Variants in GRIP1 observed in about 807,000 individuals in gnomAD.
GRIP1 encodes the protein glutamate receptor interacting protein 1.
Under a neutral mutation model 129.9 loss-of-function variants are expected in GRIP1, and 45 were observed. That is an observed-to-expected ratio of 0.35 (90% CI 0.27 to 0.44). The LOEUF is 0.44. Ranked by LOEUF, GRIP1 falls within the 20% of genes least tolerant of loss-of-function variation. GRIP1 has a pLI of 1.00. For synonymous variants in GRIP1, 530 were observed against 520.8 expected, an observed-to-expected ratio of 1.02 and a Z score of -0.24; for missense variants, 1,196 against 1,396.8, an observed-to-expected ratio of 0.86 and a Z score of 2.29.
chr12:66,693,057 G>A (rs1052404481), intron 1 of GRIP1, among the ~76,000 whole-genome samples: 3 of 152,062 alleles, frequency 2.0e-5, no homozygotes, highest in African/African-American at 7.2e-5. Flanking sequence ...AAAAGTGCTA[G>A]GGTGTTAGTC....
chr12:66,483,711 T>A (rs1419577753), intron 7 of GRIP1, among the ~76,000 whole-genome samples: 1 of 152,212 alleles, frequency 6.6e-6, no homozygotes, highest in Non-Finnish European at 1.5e-5. Flanking sequence ...AGAGAATGCA[T>A]AAATCACAAG....
At chr12:66,562,016 G>A (rs1207375899) in intron 2 of GRIP1, among the ~76,000 whole-genome samples, 3 of 152,102 alleles carry the variant, frequency 2.0e-5, no homozygotes, top group Non-Finnish European at 4.4e-5. Flanking sequence ...GTTGAGGTGA[G>A]AGGATTGCTT....
intron 1 of GRIP1, among the ~76,000 whole-genome samples, chr12:66,814,886 A>T (rs1486743746): frequency 6.6e-6 from 1 of 152,084 alleles, no homozygotes; most frequent in Non-Finnish European, 1.5e-5. Flanking sequence ...ACCAGGGGAA[A>T]TGCCAGACAC....
intron 2 of GRIP1, among the ~76,000 whole-genome samples, chr12:66,542,430 A>G (rs1194207495): frequency 6.6e-6 from 1 of 152,242 alleles, no homozygotes; most frequent in Non-Finnish European, 1.5e-5. Context: ...TACAGGTTCT[A>G]GAAAAATATT....
At chr12:66,952,277 C>T (rs1028417880) in intron 1 of GRIP1, among the ~76,000 whole-genome samples, 2 of 151,972 alleles carry the variant, frequency 1.3e-5, no homozygotes, top group African/African-American at 4.8e-5. Context: ...AAGGGAGTGG[C>T]CATCAGATAG....
chr12:66,598,058 G>A (rs918668077), intron 1 of GRIP1, among the ~76,000 whole-genome samples: 1 of 152,122 alleles, frequency 6.6e-6, no homozygotes, highest in Non-Finnish European at 1.5e-5. Flanking sequence ...TATAATAGCA[G>A]GAAATCGTTA....
chr12:66,521,788 G>A (rs12579106), intron 5 of GRIP1, among the ~76,000 whole-genome samples: 1,610 of 152,282 alleles, frequency 0.011, 40 homozygotes, highest in East Asian at 0.1. Context: ...CTGGAAAATC[G>A]GGTCACTCCC....
At chr12:66,621,490 T>C (rs1053431578) in intron 1 of GRIP1, among the ~76,000 whole-genome samples, 1 of 108,272 alleles carries the variant, frequency 9.2e-6, no homozygotes, top group Non-Finnish European at 2.3e-5. Context: ...ATTTTGTTTA[T>C]TCATCTGTTG....
At chr12:66,592,850 G>C (rs2063897728) in intron 2 of GRIP1, among the ~76,000 whole-genome samples, 1 of 152,156 alleles carries the variant, frequency 6.6e-6, no homozygotes. Context: ...CCAGTAATCT[G>C]TCAAATACAG....
At chr12:66,903,250 A>G (rs1379185526) in intron 1 of GRIP1, among the ~76,000 whole-genome samples, 1 of 151,820 alleles carries the variant, frequency 6.6e-6, no homozygotes, top group Non-Finnish European at 1.5e-5. Context: ...AGTTGTTTTA[A>G]TTATTCATTA....
At chr12:66,694,016 T>A (rs2035067993) in intron 1 of GRIP1, among the ~76,000 whole-genome samples, 1 of 152,192 alleles carries the variant, frequency 6.6e-6, no homozygotes, top group Non-Finnish European at 1.5e-5. Flanking sequence ...CTTAGCACTC[T>A]CAGGGCCACT....
intron 2 of GRIP1, among the ~76,000 whole-genome samples, chr12:66,579,010 CA>C (rs2063259571): frequency 6.6e-6 from 1 of 152,176 alleles, no homozygotes; most frequent in African/African-American, 2.4e-5. Flanking sequence ...AGGCACCCCC[CA>C]GTAGGGGCAG....
intron 13 of GRIP1, among the ~76,000 whole-genome samples, chr12:66,441,675 C>T (rs1286958732): frequency 1.3e-5 from 2 of 152,186 alleles, no homozygotes; most frequent in Admixed American, 1.3e-4. Flanking sequence ...TAGTACAGTG[C>T]TTAGCACCTA....
rs61926142 is a variant in GRIP1, at chr12:66,741,322, C to A, written c.-420+62731G>T. Reference sequence around the variant, plus strand: ...AAAATAATTCTCCAATTATGCTATACATTCTCTTTACTCATCTCCACCTCC... The same window carrying A: ...AAAATAATTCTCCAATTATGCTATAAATTCTCTTTACTCATCTCCACCTCC... On this transcript the variant is annotated intron_variant, in intron 1 of 4. Transcript: ENST00000538373. 1.2e-3 allele frequency among the ~76,000 whole-genome samples: 187 copies of A among 152,278 alleles called. 1 individual carries two copies. The highest frequency in any genetic ancestry group is 2.0e-3 in the Non-Finnish European group (139 of 68,020).
chr12:66,890,687 T>C (rs1235344151), intron 1 of GRIP1, among the ~76,000 whole-genome samples: 1 of 152,226 alleles, frequency 6.6e-6, no homozygotes. Flanking sequence ...TTAATAAATG[T>C]AAATAATCAT....
At chr12:66,471,323 G>A (rs10784538) in intron 7 of GRIP1, among the ~76,000 whole-genome samples, 86,159 of 152,022 alleles carry the variant, frequency 0.57, 25,502 homozygotes, top group Middle Eastern at 0.73. Flanking sequence ...CATGACACTG[G>A]ACTATAAGTA....
At chr12:66,602,564 T>C (rs2064321295) in intron 1 of GRIP1, among the ~76,000 whole-genome samples, 1 of 152,136 alleles carries the variant, frequency 6.6e-6, no homozygotes, top group Non-Finnish European at 1.5e-5. Context: ...CAACATTTCA[T>C]TTCCTTCCCT....
At chr12:66,810,732 C>T (rs1433988395) in intron 1 of GRIP1, among the ~76,000 whole-genome samples, 1 of 152,046 alleles carries the variant, frequency 6.6e-6, no homozygotes, top group Non-Finnish European at 1.5e-5. Flanking sequence ...ACCCAAAATA[C>T]AGAAAAAAAT....
upstream of GRIP1, among the ~76,000 whole-genome samples, chr12:66,808,426 T>A (rs368033834): frequency 1.1e-4 from 17 of 152,110 alleles, no homozygotes; most frequent in East Asian, 7.8e-4. Context: ...GCCTCCCGAG[T>A]AGCTAGGATT....
Sources: allele counts gnomAD v4.1 joint callset (sites outside exome capture counted in the v4.1 genomes callset), GRCh38; gene constraint gnomAD v4.1.1; transcripts MANE v1.5; gene names NCBI Gene and HGNC (gene_info 2026-07-23, HGNC 2026-07-21).